The following SPATA17 variants were observed in gnomAD, a reference collection of about 807,000 sequenced individuals.
SPATA17 encodes the protein spermatogenesis-associated protein 17.
Under a neutral mutation model 62.2 loss-of-function variants are expected in SPATA17, and 53 were observed. The observed-to-expected ratio is 0.85, with a 90% confidence interval of 0.68 to 1.07. The LOEUF (loss-of-function observed/expected upper bound fraction) is 1.07, where lower values mean the gene tolerates loss of function less well. SPATA17 is among the 50% of genes least tolerant of loss of function. The pLI is 0.00. For missense variants in SPATA17, 466 were observed against 425.5 expected (o/e 1.10, Z -0.84); for synonymous variants, 146 against 146.8 (o/e 0.99, Z 0.04).
At chr1:217,723,210 A>G (rs924717876) in intron 5 of SPATA17, among the ~76,000 whole-genome samples, 3 of 152,162 alleles carry the variant, frequency 2.0e-5, no homozygotes, top group African/African-American at 7.2e-5. Flanking sequence ...GACCATTCCA[A>G]TTTATCTTAT....
chr1:217,783,790 A>C (rs1673790051), intron 8 of SPATA17, among the ~76,000 whole-genome samples: 1 of 152,112 alleles, frequency 6.6e-6, no homozygotes, highest in African/African-American at 2.4e-5. Context: ...TATTTTCCTT[A>C]GTAAGCCTAG....
intron 5 of SPATA17, among the ~76,000 whole-genome samples, chr1:217,739,982 C>T (rs1030057869): frequency 1.3e-4 from 20 of 151,802 alleles, no homozygotes; most frequent in African/African-American, 7.2e-5. Flanking sequence ...TCCATTATCT[C>T]GCAGTTTTTG....
intron 5 of SPATA17, among the ~76,000 whole-genome samples, chr1:217,701,439 G>A (rs1671595747): frequency 6.6e-6 from 1 of 151,820 alleles, no homozygotes; most frequent in Admixed American, 6.6e-5. Context: ...AGGCTGGAGT[G>A]CAATGTCGTG....
chr1:217,641,623 A>G (rs1670063956), intron 1 of SPATA17, among the ~76,000 whole-genome samples: 1 of 152,182 alleles, frequency 6.6e-6, no homozygotes, highest in Non-Finnish European at 1.5e-5. Flanking sequence ...AGATGCATAC[A>G]CATACACATA....
At chr1:217,676,046 T>TTCC (rs1353919054) in intron 4 of SPATA17, among the ~76,000 whole-genome samples, 2 of 152,200 alleles carry the variant, frequency 1.3e-5, no homozygotes, top group African/African-American at 4.8e-5. Context: ...TGGTAGTACA[T>TTCC]TTCACGCAGG....
chr1:217,679,748 A>G (rs1671035021), intron 4 of SPATA17, among the ~76,000 whole-genome samples: 1 of 152,202 alleles, frequency 6.6e-6, no homozygotes, highest in South Asian at 2.1e-4. Context: ...CTCTCTAGAT[A>G]TGGTTGGTGC....
intron 9 of SPATA17, among the ~76,000 whole-genome samples, chr1:217,838,913 C>A (rs1257645855): frequency 6.6e-6 from 1 of 152,018 alleles, no homozygotes; most frequent in Non-Finnish European, 1.5e-5. Flanking sequence ...CACTGTTTTG[C>A]TGATCTAAAG....
intron 5 of SPATA17, among the ~76,000 whole-genome samples, chr1:217,703,386 G>T (rs1334809496): frequency 6.8e-6 from 1 of 147,780 alleles, no homozygotes; most frequent in Admixed American, 6.7e-5. Flanking sequence ...TGGTCAGGCT[G>T]GTCTTGAGCT....
chr1:217,702,698 T>C (rs1006420492), intron 5 of SPATA17, among the ~76,000 whole-genome samples: 3 of 152,174 alleles, frequency 2.0e-5, no homozygotes, highest in African/African-American at 7.2e-5. Context: ...TCCTAGTGGG[T>C]TCAGTTTTTA....
chr1:217,862,793 C>T lies in SPATA17; in HGVS notation c.1025C>T (p.Pro342Leu). 1.2e-6 allele frequency: 2 copies of T among 1,609,858 alleles called. No homozygotes were observed. Among genetic ancestry groups the T allele is most frequent in the Non-Finnish European group, 1.7e-6 (2 of 1,177,672 alleles). Residue 342 changes from proline (P) to leucine (L), a missense_variant, in exon 10 of 11, where the codon CCA becomes CTA. Transcript: ENST00000366933. ...TCCTAGGATTTCCAGACTGTATTACCATCATTTGAGCTCTTCTCAAAGTAT... is the reference window on the plus strand; with the variant it reads ...TCCTAGGATTTCCAGACTGTATTACTATCATTTGAGCTCTTCTCAAAGTAT... ...ICDKDFQTVL[P>L]SFELFSKYGK...
chr1:217,679,002 T>TA (rs1160741589), intron 4 of SPATA17, among the ~76,000 whole-genome samples: 8 of 152,012 alleles, frequency 5.3e-5, no homozygotes, highest in Non-Finnish European at 1.0e-4. Context: ...AAAGAACATT[T>TA]AAAAAAATTA....
At chr1:217,719,753 A>G (rs183668779) in intron 5 of SPATA17, among the ~76,000 whole-genome samples, 1 of 152,238 alleles carries the variant, frequency 6.6e-6, no homozygotes, top group Non-Finnish European at 1.5e-5. Context: ...CTCTAGGCCC[A>G]TGGGAGAGAA....
intron 9 of SPATA17, among the ~76,000 whole-genome samples, chr1:217,850,008 G>T (rs1016562346): frequency 6.6e-6 from 1 of 152,014 alleles, no homozygotes; most frequent in African/African-American, 2.4e-5. Context: ...TATAATTTGG[G>T]GTCGCTGCTG....
chr1:217,789,466 G>A (rs1027325264), intron 8 of SPATA17, among the ~76,000 whole-genome samples: 17 of 152,182 alleles, frequency 1.1e-4, no homozygotes, highest in African/African-American at 4.1e-4. Flanking sequence ...CAGAAAGGAA[G>A]GTGTTTATTG....
chr1:217,860,265 C>T (rs192795313), intron 9 of SPATA17, among the ~76,000 whole-genome samples: 10 of 152,236 alleles, frequency 6.6e-5, no homozygotes, highest in East Asian at 3.9e-4. Context: ...CAAGAGCAGA[C>T]GTTGTATGAT....
intron 5 of SPATA17, among the ~76,000 whole-genome samples, chr1:217,696,095 G>GCTGC (rs1571737493): frequency 6.6e-6 from 1 of 152,334 alleles, no homozygotes; most frequent in East Asian, 1.9e-4. Context: ...TGCTAGCCTT[G>GCTGC]CTGCCGCCTT....
chr1:217,712,960 G>A (rs1671913425), intron 5 of SPATA17, among the ~76,000 whole-genome samples: 1 of 152,140 alleles, frequency 6.6e-6, no homozygotes, highest in South Asian at 2.1e-4. Flanking sequence ...AGCTAGACTT[G>A]CAGGGCAATG....
intron 8 of SPATA17, among the ~76,000 whole-genome samples, chr1:217,789,809 T>G (rs61825818): frequency 0.031 from 4,774 of 152,168 alleles, 107 homozygotes; most frequent in Middle Eastern, 0.071. Context: ...CTGAGCCACG[T>G]GGATCACTTG....
intron 9 of SPATA17, among the ~76,000 whole-genome samples, chr1:217,837,035 C>T (rs1364295569): frequency 1.3e-5 from 2 of 152,142 alleles, no homozygotes; most frequent in African/African-American, 4.8e-5. Context: ...AAAGCCTTCC[C>T]CACAGTGCAG....
Sources: allele counts gnomAD v4.1 joint callset (sites outside exome capture counted in the v4.1 genomes callset), GRCh38; gene constraint gnomAD v4.1.1; transcripts MANE v1.5; gene names NCBI Gene and HGNC (gene_info 2026-07-23, HGNC 2026-07-21).